The following ZNF385D variants were observed in gnomAD, a reference collection of about 807,000 sequenced individuals.
The protein encoded by ZNF385D is zinc finger protein 385D, also known as zinc finger protein 659.
ZNF385D carries 15 observed loss-of-function variants against 35.8 expected under a neutral mutation model. That is an observed-to-expected ratio of 0.42 (90% CI 0.28 to 0.64). The LOEUF is 0.64. Among genes scored for constraint, ZNF385D ranks in the 30% least tolerant of loss-of-function variants. ZNF385D has a pLI of 0.23. For synonymous variants in ZNF385D, 212 were observed against 186.8 expected (o/e 1.13, Z -1.10); for missense variants, 474 against 494.6 (o/e 0.96, Z 0.39).
chr3:22,158,459 C>A (rs1439856306), intron 3 of ZNF385D, among the ~76,000 whole-genome samples: 1 of 152,010 alleles, frequency 6.6e-6, no homozygotes, highest in Non-Finnish European at 1.5e-5. Flanking sequence ...CTATTTTATT[C>A]TTAACAAGTT....
At chr3:22,067,498 G>A (rs1427330079) in intron 3 of ZNF385D, among the ~76,000 whole-genome samples, 2 of 152,152 alleles carry the variant, frequency 1.3e-5, no homozygotes, top group African/African-American at 2.4e-5. Flanking sequence ...TTCAGAAAAG[G>A]CTTAGAAATC....
At chr3:22,042,110 G>A (rs1247338011) in intron 3 of ZNF385D, among the ~76,000 whole-genome samples, 1 of 152,038 alleles carries the variant, frequency 6.6e-6, no homozygotes, top group African/African-American at 2.4e-5. Flanking sequence ...GTCAAACATG[G>A]GACTAGAATT....
chr3:22,049,377 T>G (rs1699207107), intron 3 of ZNF385D, among the ~76,000 whole-genome samples: 1 of 151,984 alleles, frequency 6.6e-6, no homozygotes, highest in South Asian at 2.1e-4. Context: ...ATCCTGCAAC[T>G]TTACTGTAGT....
chr3:22,123,423 T>G (rs905959917), intron 3 of ZNF385D, among the ~76,000 whole-genome samples: 41 of 152,212 alleles, frequency 2.7e-4, no homozygotes, highest in African/African-American at 9.4e-4. Flanking sequence ...ATAAAATATT[T>G]TGATACAAGC....
At chr3:21,863,453 G>C (rs1428544548) in intron 3 of ZNF385D, among the ~76,000 whole-genome samples, 1 of 152,106 alleles carries the variant, frequency 6.6e-6, no homozygotes, top group Non-Finnish European at 1.5e-5. Context: ...TCGAAAGTTT[G>C]TCTTCATTCT....
At position 22,270,993 on chromosome 3, in the gene ZNF385D, A is replaced by G. The variant is rs1484006115; in HGVS notation, c.106+101457T>C. ...CCTCTTGAGAGTTTTCATTCTGGGTATTTTCTGAGCAACATTTTTTTGATG... is the reference window on the plus strand; with the variant it reads ...CCTCTTGAGAGTTTTCATTCTGGGTGTTTTCTGAGCAACATTTTTTTGATG... On this transcript the variant is annotated intron_variant, in intron 2 of 5. Coordinates refer to the ZNF385D transcript ENST00000494108. 2.0e-5 allele frequency among the ~76,000 whole-genome samples: 3 copies of G among 151,706 alleles called. No individual in the cohort carries two copies. In the East Asian group the frequency reaches 5.9e-4, roughly 30 times the overall value.
intron 3 of ZNF385D, among the ~76,000 whole-genome samples, chr3:22,062,097 G>C (rs1415832271): frequency 6.6e-6 from 1 of 152,068 alleles, no homozygotes; most frequent in Non-Finnish European, 1.5e-5. Context: ...GAGTGCAGTG[G>C]CATAATCATG....
At chr3:22,081,552 A>T (rs1363110861) in intron 3 of ZNF385D, among the ~76,000 whole-genome samples, 2 of 152,182 alleles carry the variant, frequency 1.3e-5, no homozygotes, top group East Asian at 3.8e-4. Flanking sequence ...ATGAGCACAC[A>T]GGCAGCCTAC....
In ZNF385D at chr3:21,670,647, G is replaced by GCCCCCCCCCC. The variant is rs1575432248; in HGVS notation, c.23-5620_23-5619insGGGGGGGGGG. Among the ~76,000 whole-genome samples, 6 of 15,754 alleles carry GCCCCCCCCCC rather than the reference G, an allele frequency of 3.8e-4. 2 individuals carry two copies. The highest frequency in any genetic ancestry group is 4.9e-4 in the Non-Finnish European group (4 of 8,140). The allele number at this position is 15,754 out of a possible 152,430, so 10.3% of individuals were successfully genotyped here. On this transcript the variant is annotated intron_variant, in intron 1 of 7. Transcript: ENST00000281523. ...CTGAGAAATAAAAATGAAATCCTAA[G>GCCCCCCCCCC]GCGCCCCCCCCCCCCCCCCCCCCCC...
At chr3:22,285,618 G>C (rs1000737321) in intron 2 of ZNF385D, among the ~76,000 whole-genome samples, 1 of 152,000 alleles carries the variant, frequency 6.6e-6, no homozygotes, top group Non-Finnish European at 1.5e-5. Flanking sequence ...TGCCATGTTG[G>C]TGTGCCGCAC....
chr3:22,156,362 G>T (rs536748772), intron 3 of ZNF385D, among the ~76,000 whole-genome samples: 1 of 152,032 alleles, frequency 6.6e-6, no homozygotes, highest in East Asian at 1.9e-4. Flanking sequence ...AGCAAGACCA[G>T]ATGCAAACTG....
chr3:21,584,281 T>C (rs2063750481), intron 2 of ZNF385D, among the ~76,000 whole-genome samples: 1 of 152,116 alleles, frequency 6.6e-6, no homozygotes, highest in Admixed American at 6.6e-5. Flanking sequence ...ACCCGGCCCA[T>C]TTACACGTTT....
intron 4 of ZNF385D, among the ~76,000 whole-genome samples, chr3:21,482,121 A>G (rs1466884114): frequency 1.3e-5 from 2 of 152,112 alleles, no homozygotes; most frequent in African/African-American, 2.4e-5. Flanking sequence ...GAGTATGTAG[A>G]GCCATTGAGT....
intron 4 of ZNF385D, among the ~76,000 whole-genome samples, chr3:21,453,168 C>CAA (rs3860574): frequency 1.2e-4 from 17 of 143,444 alleles, no homozygotes; most frequent in African/African-American, 4.4e-4. Context: ...CATACACATG[C>CAA]AAAAAAAAAA....
chr3:21,442,759 T>C (rs984005942), intron 4 of ZNF385D, among the ~76,000 whole-genome samples: 2 of 151,892 alleles, frequency 1.3e-5, no homozygotes, highest in African/African-American at 2.4e-5. Context: ...AAGTGAGAAT[T>C]GAACTGGGTG....
intron 3 of ZNF385D, among the ~76,000 whole-genome samples, chr3:22,040,748 AAG>A (rs1698614312): frequency 6.6e-6 from 1 of 152,170 alleles, no homozygotes; most frequent in African/African-American, 2.4e-5. Context: ...TGATGCTGCA[AAG>A]CTAGGATAGA....
chr3:21,533,453 T>C (rs2061970068), intron 3 of ZNF385D, among the ~76,000 whole-genome samples: 1 of 152,158 alleles, frequency 6.6e-6, no homozygotes, highest in Admixed American at 6.5e-5. Context: ...ACTCTAGCAA[T>C]GTTCCATTAA....
chr3:21,878,863 T>C (rs1698120686), intron 3 of ZNF385D, among the ~76,000 whole-genome samples: 1 of 152,080 alleles, frequency 6.6e-6, no homozygotes, highest in Non-Finnish European at 1.5e-5. Flanking sequence ...TCAAGCACAT[T>C]TGAAGTTCTT....
intron 4 of ZNF385D, among the ~76,000 whole-genome samples, chr3:21,449,617 C>T (rs1702345268): frequency 6.6e-6 from 1 of 152,028 alleles, no homozygotes; most frequent in South Asian, 2.1e-4. Context: ...AATTGTTTTG[C>T]TTCATAGGTC....
Sources: gnomAD v4.1 joint callset for allele counts (sites outside exome capture counted in the v4.1 genomes callset) on GRCh38, gnomAD v4.1.1 for gene constraint, MANE v1.5 for transcripts, NCBI Gene and HGNC (gene_info 2026-07-23, HGNC 2026-07-21) for gene names.